ERGIC1: variants seen among roughly 807,000 people sequenced by gnomAD.
ERGIC1 encodes endoplasmic reticulum-Golgi intermediate compartment protein 1.
A neutral mutation model predicts 38.3 loss-of-function variants in ERGIC1; 19 were observed. The observed-to-expected ratio is 0.50, with a 90% confidence interval of 0.35 to 0.73. The LOEUF is 0.73. Ranked by LOEUF, ERGIC1 falls within the 30% of genes least tolerant of loss-of-function variation. The pLI, the probability that ERGIC1 is intolerant of heterozygous loss-of-function variation, is 0.01. For synonymous variants in ERGIC1, 124 were observed against 157.6 expected, an observed-to-expected ratio of 0.79 and a Z score of 1.60; for missense variants, 294 against 389.2, an observed-to-expected ratio of 0.76 and a Z score of 2.06.
chr5:172,847,612 C>T (rs1761310968), intron 1 of ERGIC1, among the ~76,000 whole-genome samples: 1 of 152,150 alleles, frequency 6.6e-6, no homozygotes, highest in South Asian at 2.1e-4. Flanking sequence ...CTCCCGGGTT[C>T]AAGTGATTCT....
chr5:172,937,077 A>G (rs1461815467), intron 9 of ERGIC1: 1 of 152,198 alleles, frequency 6.6e-6, no homozygotes, highest in Non-Finnish European at 1.5e-5. Context: ...GAGCCTCAGA[A>G]CAGTTTTTTG....
intron 1 of ERGIC1, among the ~76,000 whole-genome samples, chr5:172,886,660 G>T (rs1762427335): frequency 6.6e-6 from 1 of 152,208 alleles, no homozygotes; most frequent in Non-Finnish European, 1.5e-5. Flanking sequence ...GCCAGGCTCT[G>T]CCTAAGTACT....
At chr5:172,893,929 G>GTATATATATATA in intron 2 of ERGIC1, among the ~76,000 whole-genome samples, 1 of 54,782 alleles carries the variant, frequency 1.8e-5, no homozygotes, top group Non-Finnish European at 3.5e-5. Flanking sequence ...GTGTGTGTGT[G>GTATATATATATA]TGTGTGTATA....
chr5:172,841,888 G>A lies in ERGIC1; in HGVS notation c.20+7455G>A, dbSNP rs534644196. ...CATATGATAAAATTAATGTGTGTTT[G>A]TGCACTCTTCTATGAAAGTTAAGGC... On this transcript the variant is annotated intron_variant, in intron 1 of 9. Transcript: ENST00000393784. Among the ~76,000 whole-genome samples the A allele has an allele frequency of 2.6e-5, 4 of 152,202 alleles. No individual in the cohort carries two copies. In the East Asian group the frequency reaches 5.8e-4, roughly 22 times the overall value.
intron 1 of ERGIC1, among the ~76,000 whole-genome samples, chr5:172,884,940 G>A (rs536680903): frequency 6.6e-6 from 1 of 152,114 alleles, no homozygotes; most frequent in South Asian, 2.1e-4. Flanking sequence ...TGAGGCACCT[G>A]GCCCCACTAT....
rs577840481 is a variant in ERGIC1, at chr5:172,932,623, A to T, written c.642+87A>T. The T allele has an allele frequency of 2.7e-4, 354 of 1,332,220 alleles. 1 individual carries two copies. The highest frequency in any genetic ancestry group is 3.5e-4 in the Non-Finnish European group (334 of 948,176). 82.5% of individuals were successfully genotyped at this position (1,332,220 alleles called of 1,614,324 possible). On this transcript the variant is annotated intron_variant, in intron 8 of 9. Coordinates refer to ENST00000393784, the MANE Select transcript of ERGIC1 (RefSeq NM_001031711.3). The stretch of plus-strand genomic sequence containing the variant: ...AGATGACAGGCGGCTGCACCGACGC[A>T]CTTTCTTCTGATTCCTTTCTGGAGG...
intron 6 of ERGIC1, among the ~76,000 whole-genome samples, chr5:172,925,907 C>A (rs2113456001): frequency 6.6e-6 from 1 of 152,268 alleles, no homozygotes; most frequent in Non-Finnish European, 1.5e-5. Flanking sequence ...TGGTTTTCAG[C>A]CCTACTCTAC....
intron 9 of ERGIC1, among the ~76,000 whole-genome samples, chr5:172,938,710 G>A (rs1763937712): frequency 6.7e-6 from 1 of 148,384 alleles, no homozygotes; most frequent in Non-Finnish European, 1.5e-5. Flanking sequence ...CTGAGCTGAT[G>A]CCACTGCACT....
chr5:172,923,171 G>A (rs1427881157), intron 5 of ERGIC1, among the ~76,000 whole-genome samples: 1 of 95,374 alleles, frequency 1.0e-5, no homozygotes, highest in Non-Finnish European at 2.4e-5. Context: ...ATCATACCAA[G>A]GGTTCTAGTC....
chr5:172,930,207 C>T (rs1011437973), intron 7 of ERGIC1, among the ~76,000 whole-genome samples: 3 of 145,024 alleles, frequency 2.1e-5, no homozygotes, highest in Admixed American at 7.0e-5. Flanking sequence ...AAAAAAGATA[C>T]GGTATGGTCC....
In ERGIC1 at chr5:172,926,801, C is replaced by T. The variant is rs570500115; in HGVS notation, c.541+232C>T. ...CTTGTCCCGGGGCACAGCAGACGCA[C>T]GCACGCAGTGGATACCAGCTATTAC... On this transcript the variant is annotated intron_variant, in intron 7 of 9. Coordinates refer to ENST00000393784, the MANE Select transcript of ERGIC1 (RefSeq NM_001031711.3). This position sits in a 1 kb window ranked among gnomAD's most constrained non-coding sequence, Gnocchi z 5.2. 1.4e-5 allele frequency: 8 copies of T among 568,126 alleles called. No homozygotes were observed. The highest frequency in any genetic ancestry group is 8.5e-5 in the South Asian group (4 of 47,312). The allele number at this position is 568,126 out of a possible 1,614,324, so 35.2% of individuals were successfully genotyped here. A position where few individuals can be genotyped will look rare whatever the true frequency, so the allele number is the denominator to read the frequency against.
At chr5:172,901,347 ACT>A (rs1228224376) in intron 3 of ERGIC1, among the ~76,000 whole-genome samples, 1 of 151,804 alleles carries the variant, frequency 6.6e-6, no homozygotes, top group African/African-American at 2.4e-5. Flanking sequence ...GTGTTCTGAA[ACT>A]CCGTGTTTTC....
intron 1 of ERGIC1, among the ~76,000 whole-genome samples, chr5:172,842,426 G>T (rs1040678327): frequency 6.6e-6 from 1 of 152,162 alleles, no homozygotes; most frequent in Admixed American, 6.5e-5. Flanking sequence ...CCCATTAATA[G>T]ACATTTAGGT....
chr5:172,930,039 T>C (rs692772), intron 7 of ERGIC1, among the ~76,000 whole-genome samples: 4,619 of 151,876 alleles, frequency 0.03, 245 homozygotes, highest in African/African-American at 0.11. Flanking sequence ...ATACAAAAAA[T>C]TAGCCAGGCG....
intron 8 of ERGIC1, 74 bp from the exon 9 acceptor site, chr5:172,935,114 G>A: frequency 1.0e-5 from 16 of 1,605,896 alleles, no homozygotes; most frequent in Non-Finnish European, 1.4e-5. Context: ...GTTGCTGGGG[G>A]GCCCTCTGCA....
intron 3 of ERGIC1, chr5:172,905,487 G>A (rs374456456): frequency 6.5e-6 from 3 of 462,828 alleles, no homozygotes; most frequent in Non-Finnish European, 1.3e-5. Flanking sequence ...GAGTGTTACA[G>A]CTCTATTGGA....
intron 6 of ERGIC1, 31 bp downstream of exon 6, chr5:172,924,140 CG>C: frequency 6.2e-7 from 1 of 1,603,956 alleles, no homozygotes; most frequent in Non-Finnish European, 8.5e-7. Flanking sequence ...ATGGCATGGC[CG>C]GGGGTGGGCC....
intron 7 of ERGIC1, among the ~76,000 whole-genome samples, chr5:172,927,867 G>A (rs1032245379): frequency 1.3e-5 from 2 of 152,108 alleles, no homozygotes; most frequent in Non-Finnish European, 2.9e-5. Context: ...TCTTCTCACC[G>A]AAAGTGTCTG....
At chr5:172,835,796 G>A (rs1220726232) in intron 1 of ERGIC1, among the ~76,000 whole-genome samples, 2 of 152,210 alleles carry the variant, frequency 1.3e-5, no homozygotes, top group Non-Finnish European at 2.9e-5. Context: ...GCTAGCAAAT[G>A]TTTGCCGGCT....
Sources: gnomAD v4.1 joint callset for allele counts (sites outside exome capture counted in the v4.1 genomes callset) on GRCh38, gnomAD v4.1.1 for gene constraint, Gnocchi (gnomAD v3.1) non-coding constraint, MANE v1.5 for transcripts, NCBI Gene and HGNC (gene_info 2026-07-23, HGNC 2026-07-21) for gene names.